Variants in OLFM2 observed in about 807,000 individuals in gnomAD.
OLFM2 encodes the protein noelin-2.
In OLFM2, 20 loss-of-function variants were observed where a neutral mutation model predicts 43.9. The ratio of observed to expected loss-of-function variants is 0.46; its 90% CI spans 0.32 to 0.66. The LOEUF (loss-of-function observed/expected upper bound fraction) is 0.66, where lower values mean the gene tolerates loss of function less well. OLFM2 is among the 30% of genes least tolerant of loss of function. The pLI is 0.04. For synonymous variants in OLFM2, 268 were observed against 278.6 expected (o/e 0.96, Z 0.38); for missense variants, 416 against 643.6 (o/e 0.65, Z 3.83).
chr19:9,929,595 CAAAAT>C (rs71188856), intron 1 of OLFM2, among the ~76,000 whole-genome samples: 87,901 of 148,016 alleles, frequency 0.59, 26,903 homozygotes, highest in African/African-American at 0.76. Context: ...GACCCCGTCT[CAAAAT>C]AAAATAAAAT....
At chr19:9,903,912 T>A (rs922007499) in intron 1 of OLFM2, among the ~76,000 whole-genome samples, 11 of 152,178 alleles carry the variant, frequency 7.2e-5, no homozygotes, top group African/African-American at 2.7e-4. Flanking sequence ...GTTATTCTAC[T>A]GAAGGTTGCA....
intron 1 of OLFM2, among the ~76,000 whole-genome samples, chr19:9,927,746 TAGAAATTACTAG>T (rs1355186867): frequency 6.6e-6 from 1 of 152,304 alleles, no homozygotes; most frequent in Non-Finnish European, 1.5e-5. Context: ...GTCTTTCTCA[TAGAAATTACTAG>T]AGAAATTAGG....
chr19:9,858,906 TCACTTGGCTAAGATGAA>T (rs1431390673), intron 2 of OLFM2, among the ~76,000 whole-genome samples: 6 of 151,492 alleles, frequency 4.0e-5, no homozygotes, highest in African/African-American at 1.5e-4. Flanking sequence ...AGGTAGACTC[TCACTTGGCTAAGATGAA>T]CACCTGGCTA....
chr19:9,920,154 C>A (rs1276041430), intron 1 of OLFM2, among the ~76,000 whole-genome samples: 5 of 152,026 alleles, frequency 3.3e-5, no homozygotes, highest in Non-Finnish European at 7.4e-5. Flanking sequence ...TGGCATGTCC[C>A]TGTAGTACCA....
chr19:9,908,464 A>ATTTTTTTTTTT (rs34305631), intron 1 of OLFM2, among the ~76,000 whole-genome samples: 1 of 40,344 alleles, frequency 2.5e-5, no homozygotes, highest in African/African-American at 1.2e-4. Context: ...CACCTGGCTA[A>ATTTTTTTTTTT]TTTTTTTTTT....
chr19:9,865,166 CTCTT>C (rs1409321348), intron 1 of OLFM2, among the ~76,000 whole-genome samples: 5 of 116,466 alleles, frequency 4.3e-5, no homozygotes, highest in Admixed American at 2.0e-4. Flanking sequence ...TCTTCTTCTC[CTCTT>C]TTTTTTTTTT....
At chr19:9,931,828 C>T (rs2086484634) in intron 1 of OLFM2, among the ~76,000 whole-genome samples, 1 of 152,120 alleles carries the variant, frequency 6.6e-6, no homozygotes, top group Admixed American at 6.6e-5. Flanking sequence ...TTTGGTCTCC[C>T]AAAATGCTGG....
intron 1 of OLFM2, among the ~76,000 whole-genome samples, chr19:9,870,404 G>C (rs1247021053): frequency 6.6e-5 from 10 of 152,158 alleles, no homozygotes; most frequent in Admixed American, 5.9e-4. Context: ...AGTGAGGGAT[G>C]AGAGGGGACA....
intron 1 of OLFM2, among the ~76,000 whole-genome samples, chr19:9,930,498 G>A (rs887739486): frequency 7.2e-5 from 11 of 152,118 alleles, no homozygotes; most frequent in African/African-American, 2.7e-4. Flanking sequence ...GGAGGCTTCA[G>A]TGAGCTATGA....
chr19:9,891,621 A>T (rs1293715352), intron 1 of OLFM2, among the ~76,000 whole-genome samples: 1 of 152,040 alleles, frequency 6.6e-6, no homozygotes, highest in African/African-American at 2.4e-5. Context: ...CATCTCAAAA[A>T]AAAAAAAAAA....
intron 1 of OLFM2, among the ~76,000 whole-genome samples, chr19:9,867,215 A>T (rs2046408629): frequency 1.3e-5 from 2 of 152,184 alleles, no homozygotes; most frequent in African/African-American, 4.8e-5. Flanking sequence ...TACTAAAAAT[A>T]CAAAAATTAG....
Position 9,936,382 on chromosome 19 carries a change from C to T in OLFM2, c.-16G>A. The T allele has an allele frequency of 1.4e-6, 2 of 1,435,052 alleles. No individual in the cohort carries two copies. Among genetic ancestry groups the T allele is most frequent in the African/African-American group, 1.5e-5 (1 of 67,240 alleles). 88.9% of individuals were successfully genotyped at this position (1,435,052 alleles called of 1,614,324 possible). A position where few individuals can be genotyped will look rare whatever the true frequency, so the allele number is the denominator to read the frequency against. ...GCGGCCACATGACGCGCCCCTAGCC[C>T]GGCGTCCCGACCCCCGCCCGCCCTA... On this transcript the variant is annotated 5_prime_UTR_variant, in exon 1 of 6. Transcript: ENST00000264833.
At chr19:9,865,457 A>G (rs1329610415) in intron 1 of OLFM2, among the ~76,000 whole-genome samples, 1 of 145,290 alleles carries the variant, frequency 6.9e-6, no homozygotes, top group Non-Finnish European at 1.5e-5. Flanking sequence ...ATTACAAGGC[A>G]TGAGTCACTG....
At chr19:9,913,774 G>GGGGGGCTCGGGGAC (rs2046850521) in intron 1 of OLFM2, 1 of 661,156 alleles carries the variant, frequency 1.5e-6, no homozygotes, top group South Asian at 6.8e-5. Context: ...ACGGGGTGAG[G>GGGGGGCTCGGGGAC]GGGGGCTCGG....
intron 1 of OLFM2, among the ~76,000 whole-genome samples, chr19:9,907,874 G>A (rs537903619): frequency 7.2e-5 from 11 of 152,106 alleles, no homozygotes; most frequent in Non-Finnish European, 1.2e-4. Flanking sequence ...GCCTGGTGGT[G>A]CATGCCTGTA....
Position 9,854,893 on chromosome 19 carries a change from G to A in OLFM2, c.688-30C>T, listed in dbSNP as rs2145427189. ...GGTAGCAGCCGCTGGTCACTGGGGG[G>A]AACCACCACCAACGACCCAAGGGTC... On this transcript the variant is annotated intron_variant, in intron 5 of 5. Coordinates refer to ENST00000264833, the MANE Select transcript of OLFM2 (RefSeq NM_058164.4). This position sits in a 1 kb window ranked among gnomAD's most constrained non-coding sequence, Gnocchi z 9.5. 9 of 1,515,534 alleles carry A rather than the reference G, an allele frequency of 5.9e-6. No homozygotes were observed. Among genetic ancestry groups the A allele is most frequent in the East Asian group, 2.4e-5 (1 of 42,394 alleles). 93.9% of individuals were successfully genotyped at this position (1,515,534 alleles called of 1,614,324 possible).
chr19:9,895,931 A>T (rs553893957), intron 1 of OLFM2, among the ~76,000 whole-genome samples: 2 of 151,694 alleles, frequency 1.3e-5, no homozygotes, highest in Non-Finnish European at 2.9e-5. Context: ...GTGTGATCAT[A>T]TTATCCTCCC....
chr19:9,913,845 C>G (rs1193675327), intron 1 of OLFM2: 1 of 209,458 alleles, frequency 4.8e-6, no homozygotes, highest in Admixed American at 6.5e-5. Context: ...CGGCTCGGGC[C>G]CCCGCCCCCT....
chr19:9,869,656 G>A (rs1048936268), intron 1 of OLFM2, among the ~76,000 whole-genome samples: 12 of 152,074 alleles, frequency 7.9e-5, no homozygotes, highest in African/African-American at 2.4e-4. Context: ...TCACTCTATC[G>A]TCCAGGCTGG....
Sources: allele counts gnomAD v4.1 joint callset (sites outside exome capture counted in the v4.1 genomes callset), GRCh38; gene constraint gnomAD v4.1.1; non-coding constraint Gnocchi (gnomAD v3.1); transcripts MANE v1.5; gene names NCBI Gene and HGNC (gene_info 2026-07-23, HGNC 2026-07-21).